The following FGD1 variants were observed in gnomAD, a reference collection of about 807,000 sequenced individuals.
The protein encoded by FGD1 is FYVE, RhoGEF and PH domain containing 1, also known as FYVE, RhoGEF and PH domain-containing protein 1.
A neutral mutation model predicts 65.0 loss-of-function variants in FGD1; 12 were observed. That is an observed-to-expected ratio of 0.18 (90% CI 0.12 to 0.30). The LOEUF is 0.30. Among genes scored for constraint, FGD1 ranks in the 10% least tolerant of loss-of-function variants. FGD1 has a pLI of 1.00. For synonymous variants in FGD1, 333 were observed against 343.9 expected (o/e 0.97, Z 0.35); for missense variants, 542 against 837.6 (o/e 0.65, Z 4.36).
intron 12 of FGD1, 122 bp from the exon 13 acceptor site, chrX:54,450,423 T>C (rs1922349877): frequency 4.7e-6 from 3 of 635,081 alleles, no homozygotes; most frequent in Non-Finnish European, 7.9e-6. Flanking sequence ...TCTTCACCTA[T>C]TACTTATATG....
chrX:54,467,725 T>C, intron 6 of FGD1, 59 bp downstream of exon 6: 2 of 1,118,042 alleles, frequency 1.8e-6, no homozygotes, highest in Non-Finnish European at 2.4e-6. Context: ...CACCTCTGGG[T>C]CTGGGCTCGG....
intron 8 of FGD1, among the ~76,000 whole-genome samples, chrX:54,463,939 A>T (rs1378899278): frequency 9.0e-6 from 1 of 111,009 alleles, no homozygotes; most frequent in Non-Finnish European, 1.9e-5. Context: ...GCACCTATCT[A>T]ATATTCTACT....
chrX:54,471,587 A>G lies in FGD1; in HGVS notation c.308-100T>C, dbSNP rs1922896584. 6.1e-6 allele frequency: 5 copies of G among 821,740 alleles called. No individual in the cohort carries two copies. In the South Asian group the frequency reaches 1.0e-4, roughly 17 times the overall value. 67.7% of individuals were successfully genotyped at this position (821,740 alleles called of 1,213,427 possible). On this transcript the variant is annotated intron_variant, in intron 1 of 17. Transcript: ENST00000375135. ...GCATGTCTTAGCAGCTATCTGGGGT[A>G]TTGGGTTTCTCTGAGCCCCTTTCCT...
intron 9 of FGD1, 59 bp downstream of exon 9, chrX:54,456,450 G>A (rs969402916): frequency 1.7e-6 from 2 of 1,204,186 alleles, no homozygotes; most frequent in African/African-American, 3.5e-5. Context: ...CCCCACTCCA[G>A]GATGGAGACA....
At chrX:54,474,413 C>T (rs1473869986) in intron 1 of FGD1, among the ~76,000 whole-genome samples, 2 of 112,961 alleles carry the variant, frequency 1.8e-5, no homozygotes, top group Admixed American at 9.3e-5. Flanking sequence ...GACCTCACCC[C>T]TGGCTACATC....
intron 12 of FGD1, among the ~76,000 whole-genome samples, chrX:54,452,678 G>A (rs1171804604): frequency 9.0e-6 from 1 of 111,373 alleles, no homozygotes; most frequent in Non-Finnish European, 1.9e-5. Flanking sequence ...CCCGGGAGGT[G>A]GAGGTTGCAG....
Position 54,495,177 on chromosome X carries a change from G to C in FGD1, c.256C>G (p.His86Asp). 1 of 1,189,070 alleles carries C rather than the reference G, an allele frequency of 8.4e-7. No homozygotes were observed. Among genetic ancestry groups the C allele is most frequent in the Non-Finnish European group, 1.1e-6 (1 of 884,838 alleles). Residue 86 changes from histidine to aspartate, a missense_variant, in exon 1 of 18, where the codon CAC becomes GAC. Physicochemically the swap from His to Asp is moderately conservative, Grantham distance 81. This residue lies in a region of FGD1 where 297 missense variants were observed against 326.8 expected (regional missense o/e 0.91). Coordinates refer to ENST00000375135, the MANE Select transcript of FGD1 (RefSeq NM_004463.3). ...TGGTAAGAGAAGCGCAGGGCCCGGTGGTGCTGTGGACTGGGACCGCAGGGC... is the reference window on the plus strand; with the variant it reads ...TGGTAAGAGAAGCGCAGGGCCCGGTCGTGCTGTGGACTGGGACCGCAGGGC... ...VLPCGPSPQH[H>D]RALRFSYHLE...
At position 54,464,403 on chromosome X, in the gene FGD1, G is replaced by A. The variant is rs779168730; in HGVS notation, c.1636+1048C>T. On this transcript the variant is annotated intron_variant, in intron 8 of 17. Transcript: ENST00000375135. ...CCGGCCTGGCCTCCCAAAGTGCTGG[G>A]ATTACAGGCGTGAGCCACTGCGCCC... Among the ~76,000 whole-genome samples, 53 of 111,542 alleles carry A rather than the reference G, an allele frequency of 4.8e-4. 1 individual carries two copies. The highest frequency in any genetic ancestry group is 2.4e-4 in the Non-Finnish European group (13 of 53,161).
In FGD1 at chrX:54,460,093, C is replaced by T. The variant is rs745541464; in HGVS notation, c.1637-3526G>A. 1.2e-4 allele frequency among the ~76,000 whole-genome samples: 12 copies of T among 99,386 alleles called. No homozygotes were observed. The East Asian group carries it at 4.4e-3, about 36-fold the overall frequency. 86.3% of individuals were successfully genotyped at this position (99,386 alleles called of 115,157 possible). A position where few individuals can be genotyped will look rare whatever the true frequency, so the allele number is the denominator to read the frequency against. On this transcript the variant is annotated intron_variant, in intron 8 of 17. Transcript: ENST00000375135. The stretch of plus-strand genomic sequence containing the variant: ...CATCCTGGCTAACATGGTGAAACCC[C>T]GTCTCTACTAAAAAAAAAATACAAA...
At chrX:54,471,524 C>T (rs767805923) in intron 1 of FGD1, 37 bp from the exon 2 acceptor site, 2 of 1,174,029 alleles carry the variant, frequency 1.7e-6, no homozygotes, top group South Asian at 3.6e-5. Flanking sequence ...AAGTAACTGA[C>T]TTTAACCCAA....
chrX:54,448,025 T>TA (rs1322727878), intron 16 of FGD1, among the ~76,000 whole-genome samples: 1 of 111,748 alleles, frequency 8.9e-6, no homozygotes, highest in African/African-American at 3.3e-5. Flanking sequence ...GATTTGTTTT[T>TA]AAAAAAATCT....
chrX:54,460,744 A>C lies in FGD1; in HGVS notation c.1637-4177T>G, dbSNP rs748719560. On this transcript the variant is annotated intron_variant, in intron 8 of 17. Transcript: ENST00000375135. ...CGACAGAGTGAGACTACGTCTCAAAAAAATAATAAATAAATAAAAATAAAA... is the reference window on the plus strand; with the variant it reads ...CGACAGAGTGAGACTACGTCTCAAACAAATAATAAATAAATAAAAATAAAA... Among the ~76,000 whole-genome samples the C allele has an allele frequency of 4.4e-3, 494 of 112,649 alleles. 4 individuals are homozygous for C. The highest frequency in any genetic ancestry group is 9.2e-3 in the Middle Eastern group (2 of 218).
At chrX:54,471,891 G>A (rs1438889630) in intron 1 of FGD1, among the ~76,000 whole-genome samples, 1 of 111,950 alleles carries the variant, frequency 8.9e-6, no homozygotes, top group Non-Finnish European at 1.9e-5. Context: ...AAGGCCCTGA[G>A]AATATCTAGA....
chrX:54,447,258 T>TG lies in FGD1; in HGVS notation c.2580+52dup, dbSNP rs1208403636. The TG allele has an allele frequency of 2.5e-6, 3 of 1,183,935 alleles. No homozygotes were observed. In the African/African-American group the frequency reaches 5.3e-5, roughly 21 times the overall value. ...CCAAGGCCAAGGAGAGGTCAAGGACTGGATCTGGCTTTGCCAGGTGGCTGA... is the reference window on the plus strand; with the variant it reads ...CCAAGGCCAAGGAGAGGTCAAGGACTGGGATCTGGCTTTGCCAGGTGGCTGA... On this transcript the variant is annotated intron_variant, in intron 17 of 17. Transcript: ENST00000375135.
Position 54,470,673 on chromosome X carries a change from G to A in FGD1, c.569C>T (p.Ala190Val), listed in dbSNP as rs1352195885. The change falls in exon 3 of 18, where the codon GCC becomes GTC. Residue 190 changes from alanine to valine, a missense_variant. Transcript: ENST00000375135. ...IPPPPSRPLP[A>V]DPRVAKGLAP... ...CAGGCCCTTGGCCACTCGGGGGTCG[G>A]CAGGCAGTGGGCGTGATGGTGGAGG... 2 of 1,027,624 alleles carry A rather than the reference G, an allele frequency of 1.9e-6. No individual in the cohort carries two copies. Among genetic ancestry groups the A allele is most frequent in the East Asian group, 4.2e-5 (1 of 23,878 alleles). 84.7% of individuals were successfully genotyped at this position (1,027,624 alleles called of 1,213,427 possible).
chrX:54,454,846 T>C (rs982573935), intron 12 of FGD1, among the ~76,000 whole-genome samples: 5 of 111,375 alleles, frequency 4.5e-5, no homozygotes, highest in African/African-American at 1.6e-4. Flanking sequence ...TTAAAGTAAT[T>C]AACAGACATT....
chrX:54,482,030 A>C (rs1923152904), intron 1 of FGD1, among the ~76,000 whole-genome samples: 1 of 110,597 alleles, frequency 9.0e-6, no homozygotes, highest in Admixed American at 9.7e-5. Flanking sequence ...CCATGCGCAG[A>C]AACATCTAGA....
At chrX:54,453,605 A>G (rs1922428947) in intron 12 of FGD1, among the ~76,000 whole-genome samples, 1 of 111,341 alleles carries the variant, frequency 9.0e-6, no homozygotes, top group Admixed American at 9.6e-5. Flanking sequence ...AGGTCTCGTT[A>G]TGTTGCCCAG....
chrX:54,483,546 G>A (rs1392918962), intron 1 of FGD1, among the ~76,000 whole-genome samples: 1 of 112,268 alleles, frequency 8.9e-6, no homozygotes, highest in Non-Finnish European at 1.9e-5. Context: ...AGGGGCCATG[G>A]GGAAGCGCCA....
Sources: allele counts gnomAD v4.1 joint callset (sites outside exome capture counted in the v4.1 genomes callset), GRCh38; gene constraint gnomAD v4.1.1; regional missense constraint gnomAD v4.1.1; transcripts MANE v1.5; gene names NCBI Gene and HGNC (gene_info 2026-07-23, HGNC 2026-07-21).